The following BABAM2 variants were observed in gnomAD, a reference collection of about 807,000 sequenced individuals.
The protein encoded by BABAM2 is BRISC and BRCA1-A complex member 2.
Under a neutral mutation model 54.7 loss-of-function variants are expected in BABAM2, and 31 were observed. The ratio of observed to expected loss-of-function variants is 0.57; its 90% CI spans 0.43 to 0.77. The LOEUF (loss-of-function observed/expected upper bound fraction) is 0.77, where lower values mean the gene tolerates loss of function less well. BABAM2 is among the 30% of genes least tolerant of loss of function. BABAM2 has a pLI of 0.00. For synonymous variants in BABAM2, 167 were observed against 162.9 expected (o/e 1.03, Z -0.19); for missense variants, 364 against 455.8 (o/e 0.80, Z 1.83).
chr2:27,906,976 A>G (rs1249029660), intron 2 of BABAM2, among the ~76,000 whole-genome samples: 1 of 152,218 alleles, frequency 6.6e-6, no homozygotes, highest in Non-Finnish European at 1.5e-5. Flanking sequence ...ATATGCATAT[A>G]CATTTGTTTT....
At chr2:28,231,126 T>C (rs1296574975) in intron 7 of BABAM2, among the ~76,000 whole-genome samples, 1 of 152,210 alleles carries the variant, frequency 6.6e-6, no homozygotes, top group African/African-American at 2.4e-5. Flanking sequence ...ATGTCAGTTT[T>C]CTCATCTGTA....
intron 5 of BABAM2, among the ~76,000 whole-genome samples, chr2:28,028,921 C>T (rs1676095741): frequency 6.6e-6 from 1 of 152,088 alleles, no homozygotes; most frequent in African/African-American, 2.4e-5. Context: ...TGCATGCCAC[C>T]ACGCCCGGCT....
At chr2:27,972,572 G>A (rs1419393353) in intron 3 of BABAM2, among the ~76,000 whole-genome samples, 3 of 152,110 alleles carry the variant, frequency 2.0e-5, no homozygotes, top group Non-Finnish European at 4.4e-5. Context: ...TGGAGTCTTT[G>A]AAATGTGGCT....
At chr2:28,002,931 T>C (rs1013574922) in intron 4 of BABAM2, among the ~76,000 whole-genome samples, 12 of 152,056 alleles carry the variant, frequency 7.9e-5, no homozygotes, top group African/African-American at 2.7e-4. Context: ...AGGTGGAAGA[T>C]AGAGATGCGG....
chr2:28,015,672 T>C, intron 4 of BABAM2: 2 of 793,998 alleles, frequency 2.5e-6, no homozygotes, highest in Non-Finnish European at 3.4e-6. Context: ...TTAGTAAATA[T>C]GTTATAGTTT....
intron 3 of BABAM2, among the ~76,000 whole-genome samples, chr2:27,942,648 A>G (rs1668987006): frequency 1.3e-5 from 2 of 151,770 alleles, no homozygotes; most frequent in African/African-American, 2.4e-5. Flanking sequence ...GATTACAGGC[A>G]TGAGCCATTG....
intron 7 of BABAM2, among the ~76,000 whole-genome samples, chr2:28,158,206 A>G (rs531106448): frequency 2.8e-4 from 43 of 152,230 alleles, no homozygotes; most frequent in Non-Finnish European, 5.0e-4. Flanking sequence ...ACTAATGAAC[A>G]TAGAACAATG....
chr2:28,013,636 G>A (rs1291483570), intron 4 of BABAM2, among the ~76,000 whole-genome samples: 3 of 144,486 alleles, frequency 2.1e-5, no homozygotes, highest in Non-Finnish European at 3.0e-5. Flanking sequence ...GTAAGCCAGG[G>A]AATGGTCTGA....
intron 3 of BABAM2, among the ~76,000 whole-genome samples, chr2:27,956,069 A>G (rs536150235): frequency 6.6e-6 from 1 of 152,080 alleles, no homozygotes; most frequent in Non-Finnish European, 1.5e-5. Flanking sequence ...AACCTCATGC[A>G]TGAATTATTT....
chr2:28,063,778 CT>C (rs915261286), intron 6 of BABAM2, among the ~76,000 whole-genome samples: 1 of 152,036 alleles, frequency 6.6e-6, no homozygotes, highest in African/African-American at 2.4e-5. Flanking sequence ...CAATAAGTAA[CT>C]TTTTTTTATG....
intron 11 of BABAM2, among the ~76,000 whole-genome samples, chr2:28,298,996 G>A (rs1027912353): frequency 3.9e-5 from 6 of 152,180 alleles, no homozygotes; most frequent in Non-Finnish European, 8.8e-5. Flanking sequence ...GAAAATTTCA[G>A]GTGGCAGTAA....
intron 11 of BABAM2, among the ~76,000 whole-genome samples, chr2:28,319,608 A>C (rs958735679): frequency 6.6e-6 from 1 of 152,212 alleles, no homozygotes; most frequent in Admixed American, 6.5e-5. Context: ...ACACCTCTTC[A>C]TCCCTGTCTC....
intron 7 of BABAM2, among the ~76,000 whole-genome samples, chr2:28,196,210 C>A (rs1465418329): frequency 2.0e-5 from 3 of 151,850 alleles, no homozygotes; most frequent in African/African-American, 7.3e-5. Context: ...GCCTGTAGTC[C>A]CAGCTACTCG....
chr2:28,013,504 A>G (rs912134244), intron 4 of BABAM2: 4 of 422,288 alleles, frequency 9.5e-6, no homozygotes, highest in African/African-American at 2.1e-5. Flanking sequence ...TTCAGCTACA[A>G]AGGTATTTGT....
chr2:28,045,379 T>C (rs1160497055), intron 5 of BABAM2, among the ~76,000 whole-genome samples: 1 of 152,186 alleles, frequency 6.6e-6, no homozygotes, highest in African/African-American at 2.4e-5. Context: ...ATCAAAGGGG[T>C]AGGTCTGTCT....
intron 2 of BABAM2, chr2:27,896,653 T>C: frequency 6.4e-6 from 1 of 155,844 alleles, no homozygotes; most frequent in South Asian, 1.7e-4. Flanking sequence ...TTTCCCCTTC[T>C]TCCACTGGTA....
intron 3 of BABAM2, among the ~76,000 whole-genome samples, chr2:27,951,613 A>G (rs1236836741): frequency 6.6e-6 from 1 of 152,218 alleles, no homozygotes; most frequent in Non-Finnish European, 1.5e-5. Context: ...GTGTTCCATA[A>G]TAGCAATTAG....
rs140603174 is a variant in BABAM2, at chr2:28,125,011, A to G, written c.571-4260A>G. On this transcript the variant is annotated intron_variant, in intron 6 of 11. Coordinates refer to ENST00000379624, the MANE Select transcript of BABAM2 (RefSeq NM_199191.3). ...TGACAGAAAAAGATTAAGAAACTCAATGAACAACGACAACAAAGACTAAGA... is the reference window on the plus strand; with the variant it reads ...TGACAGAAAAAGATTAAGAAACTCAGTGAACAACGACAACAAAGACTAAGA... Among the ~76,000 whole-genome samples, 776 of 152,336 alleles carry G rather than the reference A, an allele frequency of 5.1e-3. 7 individuals carry two copies. The highest frequency in any genetic ancestry group is 0.017 in the African/African-American group (713 of 41,584).
chr2:28,309,093 G>A (rs980933736), intron 11 of BABAM2: 5 of 152,330 alleles, frequency 3.3e-5, no homozygotes, highest in African/African-American at 9.7e-5. Context: ...CTTTGTCTGG[G>A]TCTATGATCT....
Sources: allele counts gnomAD v4.1 joint callset (sites outside exome capture counted in the v4.1 genomes callset), GRCh38; gene constraint gnomAD v4.1.1; transcripts MANE v1.5; gene names NCBI Gene and HGNC (gene_info 2026-07-23, HGNC 2026-07-21).